Variants in MAGI1 observed in about 807,000 individuals in gnomAD.
MAGI1 encodes the protein membrane associated guanylate kinase, WW and PDZ domain containing 1.
Under a neutral mutation model 139.9 loss-of-function variants are expected in MAGI1, and 58 were observed. The ratio of observed to expected loss-of-function variants is 0.41; its 90% confidence interval spans 0.34 to 0.52. MAGI1 has a LOEUF of 0.52. Ranked by LOEUF, MAGI1 falls within the 20% of genes least tolerant of loss-of-function variation. The pLI is 0.12. For synonymous variants in MAGI1, 812 were observed against 737.9 expected, an observed-to-expected ratio of 1.10 and a Z score of -1.63; for missense variants, 1,874 against 1,901.6, an observed-to-expected ratio of 0.99 and a Z score of 0.27.
intron 1 of MAGI1, among the ~76,000 whole-genome samples, chr3:65,703,537 T>A (rs147943150): frequency 1.4e-3 from 216 of 152,348 alleles, no homozygotes; most frequent in Non-Finnish European, 2.5e-3. Context: ...AGCCAGGACC[T>A]TTCTTCCTGA....
At chr3:65,488,487 C>T (rs1337445663) in intron 3 of MAGI1, among the ~76,000 whole-genome samples, 8 of 144,014 alleles carry the variant, frequency 5.6e-5, no homozygotes, top group South Asian at 4.7e-4. Context: ...TAGGCATGCA[C>T]CACCAAGCCC....
At chr3:65,451,827 T>G (rs1949048327) in intron 6 of MAGI1, among the ~76,000 whole-genome samples, 1 of 152,074 alleles carries the variant, frequency 6.6e-6, no homozygotes, top group East Asian at 1.9e-4. Flanking sequence ...GTTTTATTAT[T>G]TGTAGAGTCA....
chr3:65,373,243 T>C lies in MAGI1; in HGVS notation c.3196+2502A>G, dbSNP rs144372083. 2.6e-3 allele frequency among the ~76,000 whole-genome samples: 397 copies of C among 152,296 alleles called. 1 individual carries two copies. Among genetic ancestry groups the C allele is most frequent in the African/African-American group, 9.1e-3 (380 of 41,564 alleles). ...TTATTTATTGTCCTAATTTCAATAC[T>C]GCTTTATCTTGGAAAAGGGAGGCCC... On this transcript the variant is annotated intron_variant, in intron 18 of 22. Coordinates refer to ENST00000402939, the MANE Select transcript of MAGI1 (RefSeq NM_001033057.2).
rs1454212169 is a variant in MAGI1 at position 65,691,311 on chromosome 3, A to AAAAAAAAAG, written c.314-69224_314-69223insCTTTTTTTT. Among the ~76,000 whole-genome samples, 1,133 of 150,970 alleles carry AAAAAAAAAG rather than the reference A, an allele frequency of 7.5e-3. 24 individuals carry two copies. The highest frequency in any genetic ancestry group is 0.026 in the African/African-American group (1,075 of 40,964). On this transcript the variant is annotated intron_variant, in intron 1 of 22. Coordinates refer to ENST00000402939, the MANE Select transcript of MAGI1 (RefSeq NM_001033057.2). Reference sequence around the variant, plus strand: ...GAGCAAGACTCCGTCTCAAAAAAAAAAAAAGAAAAGAAAAAGAAAAAAGGG... The same window carrying AAAAAAAAAG: ...GAGCAAGACTCCGTCTCAAAAAAAAAAAAAAAAAGAAAAGAAAAGAAAAAGAAAAAAGGG...
At chr3:65,650,729 C>T (rs539921341) in intron 1 of MAGI1, among the ~76,000 whole-genome samples, 1 of 152,280 alleles carries the variant, frequency 6.6e-6, no homozygotes, top group South Asian at 2.1e-4. Context: ...GACCTGGGAA[C>T]CTATTAGGAG....
At chr3:65,948,457 A>T (rs2063646437) in intron 1 of MAGI1, among the ~76,000 whole-genome samples, 1 of 152,190 alleles carries the variant, frequency 6.6e-6, no homozygotes, top group South Asian at 2.1e-4. Context: ...CTTTTATTAT[A>T]CTAAAACCCA....
chr3:65,557,455 T>C (rs999024665), intron 2 of MAGI1, among the ~76,000 whole-genome samples: 4 of 152,094 alleles, frequency 2.6e-5, no homozygotes, highest in Non-Finnish European at 5.9e-5. Context: ...CTCATGAGAG[T>C]TCTTGAGCCA....
chr3:65,378,097 T>C (rs1942704588), intron 17 of MAGI1, among the ~76,000 whole-genome samples: 3 of 152,196 alleles, frequency 2.0e-5, no homozygotes, highest in South Asian at 2.1e-4. Context: ...GCTTGGGAGA[T>C]AACAAATGAC....
At chr3:65,689,441 T>A (rs2088373722) in intron 1 of MAGI1, among the ~76,000 whole-genome samples, 1 of 152,178 alleles carries the variant, frequency 6.6e-6, no homozygotes. Context: ...CATTTTGTCC[T>A]TTGCTCCCTA....
intron 14 of MAGI1, among the ~76,000 whole-genome samples, 193 bp downstream of exon 14, chr3:65,390,949 C>T (rs1045043797): frequency 1.3e-5 from 2 of 152,146 alleles, no homozygotes; most frequent in African/African-American, 4.8e-5. Flanking sequence ...CTACCCCCTC[C>T]CCAAAGTGAA....
chr3:65,425,131 A>AAAAAAAAAAAAAAAACAC (rs1946935860), intron 12 of MAGI1, among the ~76,000 whole-genome samples: 1 of 41,088 alleles, frequency 2.4e-5, no homozygotes, highest in Non-Finnish European at 4.1e-5. Flanking sequence ...AAAAAAAAAA[A>AAAAAAAAAAAAAAAACAC]ACAAAAAAAA....
chr3:65,845,596 C>T (rs530575379), intron 1 of MAGI1, among the ~76,000 whole-genome samples: 20 of 152,290 alleles, frequency 1.3e-4, no homozygotes, highest in Non-Finnish European at 2.2e-4. Flanking sequence ...AGTTTCCAGC[C>T]GGGTCCAAAC....
At chr3:65,796,294 C>T (rs1338438409) in intron 1 of MAGI1, among the ~76,000 whole-genome samples, 1 of 152,078 alleles carries the variant, frequency 6.6e-6, no homozygotes, top group Non-Finnish European at 1.5e-5. Context: ...ATTGATGAGG[C>T]CAATCCCCAT....
At chr3:65,470,884 G>A (rs188729003) in intron 4 of MAGI1, among the ~76,000 whole-genome samples, 4 of 152,204 alleles carry the variant, frequency 2.6e-5, no homozygotes, top group African/African-American at 9.6e-5. Context: ...AGATGTTTGG[G>A]CACAAAAAAG....
At chr3:65,740,255 T>C (rs547075549) in intron 1 of MAGI1, among the ~76,000 whole-genome samples, 1 of 152,236 alleles carries the variant, frequency 6.6e-6, no homozygotes, top group African/African-American at 2.4e-5. Flanking sequence ...CTGATAATGA[T>C]GCTAATAATA....
rs540778067 is a variant in MAGI1 at position 66,038,233 on chromosome 3, C to T, written c.76G>A (p.Gly26Ser). ...HECTVKRGPQ[G>S]ELGVTVLGGA... ...CCCAGCACCGTCACCCCCAGCTCGC[C>T]CTGGGGTCCCCGCTTCACGGTGCAT... The change falls in exon 1 of 23, where the codon GGC becomes AGC. Residue 26 changes from glycine to serine, a missense_variant. This residue lies in a region of MAGI1 where 648 missense variants were observed against 598.1 expected (regional missense o/e 1.08). Coordinates refer to ENST00000402939, the MANE Select transcript of MAGI1 (RefSeq NM_001033057.2). The T allele has an allele frequency of 2.5e-6, 4 of 1,611,696 alleles. No individual in the cohort carries two copies. In the East Asian group the frequency reaches 6.7e-5, roughly 27 times the overall value.
intron 1 of MAGI1, among the ~76,000 whole-genome samples, chr3:65,924,491 G>A (rs970325929): frequency 6.6e-6 from 1 of 152,168 alleles, no homozygotes; most frequent in Non-Finnish European, 1.5e-5. Context: ...ATAACACAAG[G>A]ATTCTAGGAG....
At chr3:65,805,559 A>T (rs1221350589) in intron 1 of MAGI1, among the ~76,000 whole-genome samples, 1 of 152,158 alleles carries the variant, frequency 6.6e-6, no homozygotes, top group Non-Finnish European at 1.5e-5. Flanking sequence ...AACCAGAAAT[A>T]CCATTTGACC....
intron 1 of MAGI1, among the ~76,000 whole-genome samples, chr3:65,817,900 A>G (rs1046056134): frequency 6.6e-5 from 10 of 152,210 alleles, no homozygotes; most frequent in African/African-American, 2.4e-4. Flanking sequence ...TCGTAAAAGA[A>G]ATTTGGACTA....
Sources: gnomAD v4.1 joint callset for allele counts (sites outside exome capture counted in the v4.1 genomes callset) on GRCh38, gnomAD v4.1.1 for gene constraint, gnomAD v4.1.1 regional missense constraint, MANE v1.5 for transcripts, NCBI Gene and HGNC (gene_info 2026-07-23, HGNC 2026-07-21) for gene names.